Variants in SFPQ observed in about 807,000 individuals in gnomAD.
SFPQ encodes the protein splicing factor, proline- and glutamine-rich.
A neutral mutation model predicts 72.9 loss-of-function variants in SFPQ; 11 were observed. That is an observed-to-expected ratio of 0.15 (90% CI 0.09 to 0.25). The LOEUF (loss-of-function observed/expected upper bound fraction) is 0.25, where lower values mean the gene tolerates loss of function less well. SFPQ is among the 10% of genes least tolerant of loss of function. The pLI is 1.00. For missense variants in SFPQ, 847 were observed against 993.3 expected (o/e 0.85, Z 1.98); for synonymous variants, 506 against 367.3 (o/e 1.38, Z -4.32).
intron 7 of SFPQ, among the ~76,000 whole-genome samples, chr1:35,187,479 A>C (rs6702359): frequency 0.23 from 35,567 of 152,174 alleles, 8,916 homozygotes; most frequent in East Asian, 0.68. Flanking sequence ...GCCTGTAATC[A>C]CAGCACTTTG....
chr1:35,186,946 C>G, intron 9 of SFPQ, 55 bp downstream of exon 9: 3 of 1,560,602 alleles, frequency 1.9e-6, no homozygotes, highest in Non-Finnish European at 2.6e-6. Context: ...AACAAACACA[C>G]CTAAGTTGTG....
chr1:35,191,661 T>C (rs41303441), intron 1 of SFPQ, 132 bp from the exon 2 acceptor site: 26 of 664,734 alleles, frequency 3.9e-5, no homozygotes, highest in Non-Finnish European at 6.6e-5. Context: ...GGTTTTACTA[T>C]GTGAGATTTC....
At chr1:35,185,388 G>A (rs1044077716) in intron 9 of SFPQ, among the ~76,000 whole-genome samples, 26 of 152,184 alleles carry the variant, frequency 1.7e-4, no homozygotes, top group African/African-American at 6.3e-4. Flanking sequence ...GAAAAGTGCA[G>A]ACACTTTGCT....
chr1:35,178,546 G>A, downstream of SFPQ: 2 of 1,060,614 alleles, frequency 1.9e-6, no homozygotes, highest in Non-Finnish European at 2.3e-6. Context: ...GCAATCCTTT[G>A]TATTTACCTC....
At chr1:35,178,200 A>T (rs1356152331), downstream of SFPQ, 2 of 1,083,986 alleles carry the variant, frequency 1.8e-6, no homozygotes, top group African/African-American at 3.3e-5. Context: ...TGGGGGGGAA[A>T]TCTAAAATTA....
downstream of SFPQ, chr1:35,182,360 T>C: frequency 2.0e-6 from 2 of 985,396 alleles, no homozygotes; most frequent in South Asian, 9.4e-5. Flanking sequence ...GGGACAAAAC[T>C]TCCTCACTGA....
At chr1:35,181,075 T>A (rs1271792570), downstream of SFPQ, 1 of 1,065,082 alleles carries the variant, frequency 9.4e-7, no homozygotes, top group South Asian at 4.5e-5. Context: ...GATGCCAGAA[T>A]GCCCACGGAA....
chr1:35,187,587 C>A (rs1215210106), intron 7 of SFPQ, among the ~76,000 whole-genome samples: 1 of 151,956 alleles, frequency 6.6e-6, no homozygotes, highest in African/African-American at 2.4e-5. Flanking sequence ...AAAAATTAGC[C>A]GAGCCTGATG....
At chr1:35,179,947 T>G, downstream of SFPQ, 1 of 1,055,106 alleles carries the variant, frequency 9.5e-7, no homozygotes, top group Non-Finnish European at 1.1e-6. Context: ...AGCATTATAC[T>G]TGATCTGCAT....
chr1:35,182,798 C>CT, downstream of SFPQ: 1 of 1,052,290 alleles, frequency 9.5e-7, no homozygotes, highest in Non-Finnish European at 1.1e-6. Context: ...AGCTGTTCCT[C>CT]TAACATATTT....
chr1:35,182,778 A>C, downstream of SFPQ: 1 of 985,398 alleles, frequency 1.0e-6, no homozygotes, highest in Non-Finnish European at 1.2e-6. Context: ...TACTTTACCT[A>C]CTGTTAGGAA....
Position 35,187,928 on chromosome 1 carries a change from G to C in SFPQ, c.1815+45C>G, listed in dbSNP as rs143431191. The C allele has an allele frequency of 4.9e-6, 6 of 1,221,128 alleles. No homozygotes were observed. The African/African-American group carries it at 7.5e-5, about 15-fold the overall frequency. The allele number at this position is 1,221,128 out of a possible 1,614,324, so 75.6% of individuals were successfully genotyped here. Reference sequence around the variant, plus strand: ...TGTAATTCCTTCTAGGTACCTGCAAGTTCTATAGACAACTCCAATTGGAAG... The same window carrying C: ...TGTAATTCCTTCTAGGTACCTGCAACTTCTATAGACAACTCCAATTGGAAG... On this transcript the variant is annotated intron_variant, in intron 7 of 9. Transcript: ENST00000357214.
In SFPQ at chr1:35,188,041, G is replaced by A. The variant is rs780141930; in HGVS notation, c.1747C>T (p.Arg583Cys). 1 of 1,613,994 alleles carries A rather than the reference G, an allele frequency of 6.2e-7. No homozygotes were observed. Among genetic ancestry groups the A allele is most frequent in the Admixed American group, 1.7e-5 (1 of 60,008 alleles). ...CGCCTCATTTGTTCTTCCATCTCAC[G>A]TTGACGAATCATCATCTCTTCCTCT... ...RREEEMMIRQ[R>C]EMEEQMRRQR... Residue 583 changes from arginine to cysteine, a missense_variant, in exon 7 of 10, where the codon CGT (arginine) becomes TGT (cysteine). This residue lies in a region of SFPQ where 154 missense variants were observed against 186.0 expected (regional missense o/e 0.83). Coordinates refer to ENST00000357214, the MANE Select transcript of SFPQ (RefSeq NM_005066.3).
chr1:35,179,646 C>T (rs1482113624), downstream of SFPQ: 15 of 1,054,670 alleles, frequency 1.4e-5, no homozygotes, highest in South Asian at 9.1e-5. Flanking sequence ...AACACACTAA[C>T]GTCACAAGTT....
downstream of SFPQ, chr1:35,180,440 G>A (rs941964531): frequency 3.8e-6 from 4 of 1,048,850 alleles, no homozygotes; most frequent in East Asian, 1.1e-4. Flanking sequence ...GATGTCTTAT[G>A]ATTGGGAATG....
downstream of SFPQ, chr1:35,182,889 T>C: frequency 4.8e-6 from 5 of 1,045,968 alleles, no homozygotes; most frequent in African/African-American, 1.7e-5. Context: ...CTTGTTCTAA[T>C]GGAAGGGGGT....
exon 5 of SFPQ, chr1:35,177,343 T>A (rs1136726): frequency 1.3e-5 from 2 of 152,192 alleles, no homozygotes; most frequent in African/African-American, 4.8e-5. Flanking sequence ...AGTCTGCTTG[T>A]GGCTTCCCTC....
At position 35,183,055 on chromosome 1, in the gene SFPQ, TAAG is replaced by T; in HGVS notation, c.*1398_*1400del. The T allele has an allele frequency of 1.1e-5, 11 of 1,032,716 alleles. No homozygotes were observed. The highest frequency in any genetic ancestry group is 1.0e-5 in the Non-Finnish European group (9 of 858,830). 64.0% of individuals were successfully genotyped at this position (1,032,716 alleles called of 1,614,324 possible). A position where few individuals can be genotyped will look rare whatever the true frequency, so the allele number is the denominator to read the frequency against. On this transcript the variant is annotated 3_prime_UTR_variant, in exon 10 of 10. Coordinates refer to ENST00000357214, the MANE Select transcript of SFPQ (RefSeq NM_005066.3). The stretch of plus-strand genomic sequence containing the variant: ...ATGTGAAAACAAGTTAAATTTACAA[TAAG>T]AATGATTATCTGCAACCCTATTTGT...
At chr1:35,180,762 G>A (rs1639433238), downstream of SFPQ, 1 of 1,061,412 alleles carries the variant, frequency 9.4e-7, no homozygotes, top group East Asian at 5.1e-5. Flanking sequence ...ATTATCACAT[G>A]CTATACGGTC....
Sources: gnomAD v4.1 joint callset for allele counts (sites outside exome capture counted in the v4.1 genomes callset) on GRCh38, gnomAD v4.1.1 for gene constraint, gnomAD v4.1.1 regional missense constraint, MANE v1.5 for transcripts, NCBI Gene and HGNC (gene_info 2026-07-23, HGNC 2026-07-21) for gene names.